The following PADI4 variants were observed in gnomAD, a reference collection of about 807,000 sequenced individuals.
PADI4 encodes peptidyl arginine deiminase 4.
Under a neutral mutation model 75.0 loss-of-function variants are expected in PADI4, and 62 were observed. The observed-to-expected ratio is 0.83, with a 90% confidence interval of 0.67 to 1.02. PADI4 has a LOEUF of 1.02. Among genes scored for constraint, PADI4 ranks in the 50% least tolerant of loss-of-function variants. The pLI, the probability that PADI4 is intolerant of heterozygous loss-of-function variation, is 0.00. For missense variants in PADI4, 845 were observed against 850.5 expected (o/e 0.99, Z 0.08); for synonymous variants, 361 against 348.1 (o/e 1.04, Z -0.41).
At chr1:17,360,242 G>T (rs1395682966) in intron 15 of PADI4, among the ~76,000 whole-genome samples, 1 of 150,230 alleles carries the variant, frequency 6.7e-6, no homozygotes, top group African/African-American at 2.5e-5. Context: ...AGTGAGCCAA[G>T]ATCATGCTAT....
At chr1:17,313,740 G>A (rs915938133) in intron 1 of PADI4, among the ~76,000 whole-genome samples, 6 of 152,064 alleles carry the variant, frequency 3.9e-5, no homozygotes, top group East Asian at 3.9e-4. Context: ...AGGAGATGGC[G>A]GATGCTGGAG....
chr1:17,342,273 C>G, intron 7 of PADI4, 26 bp from the exon 8 acceptor site: 1 of 1,501,950 alleles, frequency 6.7e-7, no homozygotes, highest in African/African-American at 1.4e-5. Context: ...GACAGCCCCT[C>G]CTTCCCCTTA....
At chr1:17,360,601 A>G (rs925515763) in intron 15 of PADI4, among the ~76,000 whole-genome samples, 2 of 152,184 alleles carry the variant, frequency 1.3e-5, no homozygotes, top group African/African-American at 2.4e-5. Flanking sequence ...GTCAGAGTCT[A>G]TCGTCGCTTC....
chr1:17,355,101 C>T lies in PADI4; in HGVS notation c.1310+414C>T, dbSNP rs74452983. Reference sequence around the variant, plus strand: ...GTTAGGGTGACCAGGGAGGTCCTCTCTGGGGAAGGGGCTTTTGAACTGAGG... The same window carrying T: ...GTTAGGGTGACCAGGGAGGTCCTCTTTGGGGAAGGGGCTTTTGAACTGAGG... On this transcript the variant is annotated intron_variant, in intron 11 of 15. Coordinates refer to ENST00000375448, the MANE Select transcript of PADI4 (RefSeq NM_012387.3). 9.9e-3 allele frequency among the ~76,000 whole-genome samples: 1,509 copies of T among 152,272 alleles called. 19 individuals are homozygous for T. Among genetic ancestry groups the T allele is most frequent in the African/African-American group, 0.035 (1,442 of 41,562 alleles).
At chr1:17,337,352 G>A (rs1198005127) in intron 4 of PADI4, among the ~76,000 whole-genome samples, 2 of 152,022 alleles carry the variant, frequency 1.3e-5, no homozygotes, top group African/African-American at 4.8e-5. Flanking sequence ...CGCCATGTTG[G>A]CCAGGCTGGT....
intron 15 of PADI4, 103 bp from the exon 16 acceptor site, chr1:17,363,419 G>T: frequency 1.3e-6 from 1 of 759,078 alleles, no homozygotes; most frequent in Non-Finnish European, 2.2e-6. Flanking sequence ...CACCACCCCT[G>T]GAGGGGCTAT....
At chr1:17,339,542 T>A in intron 5 of PADI4, 146 bp from the exon 6 acceptor site, 1 of 769,310 alleles carries the variant, frequency 1.3e-6, no homozygotes, top group South Asian at 1.7e-5. Context: ...CAAAATAGCA[T>A]AAAGAAAAGA....
chr1:17,351,931 G>C (rs113644452), intron 10 of PADI4, among the ~76,000 whole-genome samples: 16 of 136,220 alleles, frequency 1.2e-4, no homozygotes, highest in African/African-American at 4.4e-4. Context: ...TAGGAGAGGC[G>C]GTCAGGGAGG....
chr1:17,355,463 C>T (rs572009837), intron 11 of PADI4, among the ~76,000 whole-genome samples: 6 of 151,614 alleles, frequency 4.0e-5, no homozygotes, highest in East Asian at 1.9e-4. Flanking sequence ...GCAAGAGAAT[C>T]GCTTGATCCC....
At chr1:17,341,760 C>T (rs1432897796) in intron 6 of PADI4, among the ~76,000 whole-genome samples, 183 bp from the exon 7 acceptor site, 1 of 152,230 alleles carries the variant, frequency 6.6e-6, no homozygotes, top group East Asian at 1.9e-4. Context: ...AGCCGGGGAG[C>T]AGCGTCCCAG....
chr1:17,362,535 A>G (rs970027350), intron 15 of PADI4, among the ~76,000 whole-genome samples: 1 of 152,132 alleles, frequency 6.6e-6, no homozygotes, highest in African/African-American at 2.4e-5. Context: ...GAGGACCCCC[A>G]AAATGGAGAG....
At chr1:17,341,014 A>T (rs12136589) in intron 6 of PADI4, among the ~76,000 whole-genome samples, 14,833 of 150,404 alleles carry the variant, frequency 0.099, 807 homozygotes, top group African/African-American at 0.13. Flanking sequence ...TTGGCCAGAC[A>T]GGTCTCGAAC....
intron 10 of PADI4, among the ~76,000 whole-genome samples, chr1:17,350,311 T>C (rs571761671): frequency 1.5e-5 from 2 of 129,948 alleles, no homozygotes; most frequent in South Asian, 5.8e-4. Flanking sequence ...TTCCTGCAGA[T>C]AGAAGGCAAC....
chr1:17,310,953 C>G (rs1033116625), intron 1 of PADI4, among the ~76,000 whole-genome samples: 7 of 152,036 alleles, frequency 4.6e-5, no homozygotes, highest in Admixed American at 1.3e-4. Context: ...AAAAATTAGC[C>G]GGGCGTGGTA....
chr1:17,337,726 C>T (rs1257494363), intron 4 of PADI4, among the ~76,000 whole-genome samples: 1 of 151,894 alleles, frequency 6.6e-6, no homozygotes, highest in East Asian at 2.0e-4. Context: ...GCCATCCTGG[C>T]CAACATGGTG....
intron 1 of PADI4, among the ~76,000 whole-genome samples, chr1:17,322,501 A>G (rs552972181): frequency 6.6e-6 from 1 of 152,240 alleles, no homozygotes; most frequent in East Asian, 1.9e-4. Context: ...CCCAAAAAAA[A>G]AGATAAGCTA....
rs34897407 is a variant in PADI4 at position 17,362,351 on chromosome 1, C to CAA, written c.1759-1149_1759-1148dup. On this transcript the variant is annotated intron_variant, in intron 15 of 15. Coordinates refer to ENST00000375448, the MANE Select transcript of PADI4 (RefSeq NM_012387.3). ...CTGGGTGAAGAGTAAGACCCTGTCT[C>CAA]AAAAAAAAAAAAAAAAAAAAAAATT... is the stretch of plus-strand genomic sequence containing the variant. Among the ~76,000 whole-genome samples the CAA allele has an allele frequency of 5.5e-3, 592 of 107,272 alleles. 7 individuals carry two copies. Among genetic ancestry groups the CAA allele is most frequent in the African/African-American group, 0.02 (564 of 27,526 alleles). 70.4% of individuals were successfully genotyped at this position (107,272 alleles called of 152,430 possible).
At chr1:17,362,582 G>C (rs913067448) in intron 15 of PADI4, among the ~76,000 whole-genome samples, 1 of 152,002 alleles carries the variant, frequency 6.6e-6, no homozygotes, top group Non-Finnish European at 1.5e-5. Context: ...ATTACCTATC[G>C]GGTACGATGT....
intron 3 of PADI4, chr1:17,334,286 T>C (rs1340368048): frequency 4.4e-6 from 2 of 456,484 alleles, no homozygotes; most frequent in Non-Finnish European, 8.4e-6. Context: ...ACTTGGATTT[T>C]CAATATATGC....
Sources: gnomAD v4.1 joint callset for allele counts (sites outside exome capture counted in the v4.1 genomes callset) on GRCh38, gnomAD v4.1.1 for gene constraint, MANE v1.5 for transcripts, NCBI Gene and HGNC (gene_info 2026-07-23, HGNC 2026-07-21) for gene names.